Variants in ATF3 observed in about 807,000 individuals in gnomAD.
The protein encoded by ATF3 is activating transcription factor 3.
ATF3 carries 10 observed loss-of-function variants against 18.4 expected under a neutral mutation model. That is an observed-to-expected ratio of 0.54 (90% CI 0.34 to 0.92). The LOEUF (loss-of-function observed/expected upper bound fraction) is 0.92, where lower values mean the gene tolerates loss of function less well. Ranked by LOEUF, ATF3 falls within the 40% of genes least tolerant of loss-of-function variation. The pLI is 0.02. For missense variants in ATF3, 183 were observed against 222.3 expected, an observed-to-expected ratio of 0.82 and a Z score of 1.12; for synonymous variants, 78 against 87.9, an observed-to-expected ratio of 0.89 and a Z score of 0.63.
upstream of ATF3, among the ~76,000 whole-genome samples, chr1:212,608,098 C>G (rs550917509): frequency 5.4e-4 from 82 of 152,202 alleles, no homozygotes; most frequent in Non-Finnish European, 1.0e-3. Flanking sequence ...AGAGGTCACA[C>G]CCGGCGGGTA....
intron 1 of ATF3, among the ~76,000 whole-genome samples, chr1:212,601,803 GGTCTAGACACTTTGGT>G (rs1654491906): frequency 6.6e-6 from 1 of 152,104 alleles, no homozygotes; most frequent in Admixed American, 6.5e-5. Flanking sequence ...TTTCCATGAG[GGTCTAGACACTTTGGT>G]GTCTCAGGTT....
chr1:212,600,950 C>A (rs763105198), intron 1 of ATF3, among the ~76,000 whole-genome samples: 6 of 152,104 alleles, frequency 3.9e-5, no homozygotes, highest in Non-Finnish European at 8.8e-5. Flanking sequence ...TAATTTGCCA[C>A]CTAAACAAGA....
Position 212,619,270 on chromosome 1 carries a change from C to T in ATF3, c.349-88C>T, listed in dbSNP as rs1655267040. On this transcript the variant is annotated intron_variant, in intron 3 of 3. Transcript: ENST00000341491. The surrounding 1 kb of genome is among the most constrained non-coding windows in gnomAD (Gnocchi z 4.4). ...GATGAGCCCCGGTGTGTCCCAGGTA[C>T]ACCCCTGCATCCAGGCAGCAGCCCA... is the stretch of plus-strand genomic sequence containing the variant. 4.3e-6 allele frequency: 7 copies of T among 1,611,430 alleles called. No homozygotes were observed. The highest frequency in any genetic ancestry group is 1.7e-6 in the Non-Finnish European group (2 of 1,179,784).
rs141629438 is a variant in ATF3 at position 212,587,290 on chromosome 1, T to A, written c.-5+21807T>A. On this transcript the variant is annotated intron_variant, in intron 1 of 3. Transcript: ENST00000366981. ...GAATACATTAATAAATGAAGAATAT[T>A]TGTACCTATGAGTTTTTATCTGCAT... Among the ~76,000 whole-genome samples, 145 of 152,340 alleles carry A rather than the reference T, an allele frequency of 9.5e-4. 2 individuals are homozygous for A. The Middle Eastern group carries it at 0.01, about 11-fold the overall frequency.
chr1:212,570,991 A>G (rs1349030511), intron 1 of ATF3, among the ~76,000 whole-genome samples: 1 of 152,228 alleles, frequency 6.6e-6, no homozygotes, highest in Non-Finnish European at 1.5e-5. Context: ...TATGGGTGGA[A>G]TTGCTGGGCA....
intron 1 of ATF3, among the ~76,000 whole-genome samples, chr1:212,580,971 G>A (rs573383541): frequency 6.8e-4 from 104 of 152,240 alleles, no homozygotes; most frequent in African/African-American, 2.4e-3. Context: ...GTTTCACCAC[G>A]TTGGGCAGGC....
At chr1:212,591,613 T>C (rs1166322549) in intron 1 of ATF3, among the ~76,000 whole-genome samples, 3 of 152,220 alleles carry the variant, frequency 2.0e-5, no homozygotes, top group Non-Finnish European at 4.4e-5. Flanking sequence ...AGATTTGCAC[T>C]GTATTCATTT....
At chr1:212,571,418 A>T (rs926266619) in intron 1 of ATF3, among the ~76,000 whole-genome samples, 29 of 151,992 alleles carry the variant, frequency 1.9e-4, no homozygotes, top group African/African-American at 6.5e-4. Context: ...TACTATTATT[A>T]TTTTTTGAGA....
intron 1 of ATF3, among the ~76,000 whole-genome samples, 172 bp downstream of exon 1, chr1:212,609,102 C>A (rs1654764244): frequency 6.6e-6 from 1 of 152,278 alleles, no homozygotes; most frequent in Non-Finnish European, 1.5e-5. Flanking sequence ...ACCGCTGCTC[C>A]TCGGCGCTTC....
upstream of ATF3, among the ~76,000 whole-genome samples, chr1:212,603,857 A>C (rs1295934150): frequency 6.6e-6 from 1 of 152,058 alleles, no homozygotes; most frequent in African/African-American, 2.4e-5. Context: ...ATTTTTAAGA[A>C]GAAAGACCAT....
rs576667359 is a variant in ATF3 at position 212,590,740 on chromosome 1, C to T, written c.-4-24278C>T. 3.3e-5 allele frequency among the ~76,000 whole-genome samples: 5 copies of T among 152,296 alleles called. No individual in the cohort carries two copies. The East Asian group carries it at 7.7e-4, about 23-fold the overall frequency. On this transcript the variant is annotated intron_variant, in intron 1 of 3. Coordinates refer to the ATF3 transcript ENST00000366981. Reference sequence around the variant, plus strand: ...TTGTGCCATCAGAAATTGCACATTTCCCAGGCACCACTTTGAATGGTAATA... The same window carrying T: ...TTGTGCCATCAGAAATTGCACATTTTCCAGGCACCACTTTGAATGGTAATA...
upstream of ATF3, among the ~76,000 whole-genome samples, chr1:212,604,063 A>G (rs990240280): frequency 6.6e-6 from 1 of 152,220 alleles, no homozygotes; most frequent in Non-Finnish European, 1.5e-5. Context: ...AAAAAATTAT[A>G]GTAAAACTTT....
In ATF3 at chr1:212,608,768, C is replaced by T. The variant is rs1654733956; in HGVS notation, c.-167C>T. On this transcript the variant is annotated 5_prime_UTR_variant, in exon 1 of 4. Coordinates refer to ENST00000341491, the MANE Select transcript of ATF3 (RefSeq NM_001674.4). ...TGCAACGCTCTCCAAGCCACAGTCG[C>T]ACGCAGCCAGGCGCGCACTGCACAG... The T allele has an allele frequency of 1.3e-5, 2 of 152,314 alleles. No homozygotes were observed. The highest frequency in any genetic ancestry group is 2.9e-5 in the Non-Finnish European group (2 of 68,204). 9.4% of individuals were successfully genotyped at this position (152,314 alleles called of 1,614,324 possible). A position where few individuals can be genotyped will look rare whatever the true frequency, so the allele number is the denominator to read the frequency against.
At chr1:212,597,464 A>ATCATCTATCTC (rs1247259384) in intron 1 of ATF3, among the ~76,000 whole-genome samples, 16 of 144,844 alleles carry the variant, frequency 1.1e-4, no homozygotes, top group African/African-American at 4.1e-4. Context: ...CTATCTCTCT[A>ATCATCTATCTC]TCTAGCTAGC....
At chr1:212,580,891 C>A (rs1418605892) in intron 1 of ATF3, among the ~76,000 whole-genome samples, 2 of 152,160 alleles carry the variant, frequency 1.3e-5, no homozygotes, top group Non-Finnish European at 2.9e-5. Context: ...ACCTCAGTCT[C>A]CCGAATAGCT....
intron 2 of ATF3, among the ~76,000 whole-genome samples, chr1:212,617,215 C>T (rs1655166126): frequency 6.6e-6 from 1 of 152,202 alleles, no homozygotes; most frequent in Non-Finnish European, 1.5e-5. Context: ...TTCCCTGTAG[C>T]AATGTTCACA....
intron 1 of ATF3, among the ~76,000 whole-genome samples, chr1:212,584,363 G>A (rs1300756046): frequency 6.6e-6 from 1 of 152,088 alleles, no homozygotes; most frequent in African/African-American, 2.4e-5. Context: ...AATTATGGAG[G>A]TTGGTGGGCC....
intron 1 of ATF3, among the ~76,000 whole-genome samples, chr1:212,586,267 TG>T (rs574359916): frequency 8.5e-4 from 129 of 152,274 alleles, no homozygotes; most frequent in Non-Finnish European, 1.6e-3. Flanking sequence ...AGAGCTTGAC[TG>T]GGGAAGGAGG....
chr1:212,586,023 G>A (rs1056672146), intron 1 of ATF3, among the ~76,000 whole-genome samples: 1 of 152,126 alleles, frequency 6.6e-6, no homozygotes, highest in Non-Finnish European at 1.5e-5. Flanking sequence ...AAAATTGTTG[G>A]GTCCTCCAGC....
Sources: allele counts gnomAD v4.1 joint callset (sites outside exome capture counted in the v4.1 genomes callset), GRCh38; gene constraint gnomAD v4.1.1; non-coding constraint Gnocchi (gnomAD v3.1); transcripts MANE v1.5; gene names NCBI Gene and HGNC (gene_info 2026-07-23, HGNC 2026-07-21).